FER: variants seen among roughly 807,000 people sequenced by gnomAD.
The protein encoded by FER is FER tyrosine kinase.
FER carries 63 observed loss-of-function variants against 111.0 expected under a neutral mutation model. The observed-to-expected ratio is 0.57, with a 90% CI of 0.46 to 0.70. The LOEUF (loss-of-function observed/expected upper bound fraction) is 0.70. FER is among the 30% of genes least tolerant of loss of function. The pLI, the probability that FER is intolerant of heterozygous loss-of-function variation, is 0.00. For synonymous variants in FER, 327 were observed against 313.9 expected, an observed-to-expected ratio of 1.04 and a Z score of -0.44; for missense variants, 914 against 954.0, an observed-to-expected ratio of 0.96 and a Z score of 0.55.
intron 2 of FER, among the ~76,000 whole-genome samples, chr5:108,795,958 T>G (rs1239188638): frequency 6.6e-6 from 1 of 152,168 alleles, no homozygotes; most frequent in African/African-American, 2.4e-5. Flanking sequence ...ATTCGAGAGT[T>G]AGGTATTTAT....
At chr5:108,906,815 C>G (rs1285676998) in intron 10 of FER, among the ~76,000 whole-genome samples, 1 of 152,044 alleles carries the variant, frequency 6.6e-6, no homozygotes, top group East Asian at 1.9e-4. Flanking sequence ...TTTTGATACT[C>G]ATAATACTTC....
chr5:108,824,493 T>C (rs1759233143), intron 3 of FER, among the ~76,000 whole-genome samples: 1 of 152,136 alleles, frequency 6.6e-6, no homozygotes, highest in Non-Finnish European at 1.5e-5. Context: ...CTTATAGTTT[T>C]CAGTGCAAAG....
rs1466348141 is a variant in FER at position 109,195,923 on chromosome 5, G to A, written c.*8348G>A. ...GTTGGTGGTGGTGCAAATTCTGCTG[G>A]CTTTATGTTATGGTTTTCTTCGTGT... On this transcript the variant is annotated 3_prime_UTR_variant, in exon 20 of 20. Transcript: ENST00000281092. 6.6e-6 allele frequency: 1 copy of A among 152,248 alleles called. No individual in the cohort carries two copies. Among genetic ancestry groups the A allele is most frequent in the African/African-American group, 2.4e-5 (1 of 41,440 alleles). The allele number at this position is 152,248 out of a possible 1,614,324, so 9.4% of individuals were successfully genotyped here.
At chr5:109,025,331 A>T (rs930493566) in intron 13 of FER, among the ~76,000 whole-genome samples, 6 of 152,058 alleles carry the variant, frequency 3.9e-5, no homozygotes, top group Non-Finnish European at 7.4e-5. Context: ...GAAGAGGTCC[A>T]TCACGTCCCT....
intron 10 of FER, among the ~76,000 whole-genome samples, chr5:108,914,604 A>G (rs906199434): frequency 6.6e-6 from 1 of 152,206 alleles, no homozygotes; most frequent in Admixed American, 6.5e-5. Context: ...ATCAGACATT[A>G]ATATGTACCT....
At chr5:108,948,233 C>T (rs917500745) in intron 11 of FER, among the ~76,000 whole-genome samples, 13 of 151,986 alleles carry the variant, frequency 8.6e-5, no homozygotes, top group African/African-American at 3.1e-4. Flanking sequence ...AAATGTAGAG[C>T]TCCCTTTAAA....
chr5:108,925,229 T>C (rs1753574192), intron 10 of FER, among the ~76,000 whole-genome samples: 2 of 151,996 alleles, frequency 1.3e-5, no homozygotes, highest in African/African-American at 4.8e-5. Flanking sequence ...CTATTCTGGC[T>C]GGTGAGCTCA....
intron 17 of FER, among the ~76,000 whole-genome samples, chr5:109,132,550 A>C (rs1381421874): frequency 6.6e-6 from 1 of 152,102 alleles, no homozygotes; most frequent in Non-Finnish European, 1.5e-5. Context: ...GGTCTGCTCT[A>C]CTTTGACTGT....
chr5:108,771,781 T>C (rs1255492844), intron 2 of FER, among the ~76,000 whole-genome samples: 2 of 152,208 alleles, frequency 1.3e-5, no homozygotes, highest in Non-Finnish European at 2.9e-5. Context: ...ATTAAAGACA[T>C]CATGATAACT....
At chr5:108,921,240 G>A (rs1235841423) in intron 10 of FER, among the ~76,000 whole-genome samples, 1 of 151,808 alleles carries the variant, frequency 6.6e-6, no homozygotes, top group Non-Finnish European at 1.5e-5. Flanking sequence ...CTATTTTGTT[G>A]GTTAGAATTT....
chr5:109,181,497 G>A (rs1452152708), intron 18 of FER, among the ~76,000 whole-genome samples: 2 of 151,850 alleles, frequency 1.3e-5, no homozygotes, highest in African/African-American at 4.8e-5. Flanking sequence ...ATTACAAGAT[G>A]GATGACAACT....
At chr5:108,930,379 C>CT (rs1754405417) in intron 10 of FER, among the ~76,000 whole-genome samples, 1 of 16,002 alleles carries the variant, frequency 6.2e-5, no homozygotes, top group African/African-American at 3.6e-4. Flanking sequence ...CCTTTCCCCT[C>CT]CCCTCCCCTT....
At chr5:108,975,416 A>AT (rs1761207835) in intron 13 of FER, among the ~76,000 whole-genome samples, 2 of 152,328 alleles carry the variant, frequency 1.3e-5, no homozygotes, top group South Asian at 4.1e-4. Flanking sequence ...TTAAAATAAA[A>AT]TAAAAATAAA....
intron 16 of FER, among the ~76,000 whole-genome samples, chr5:109,071,764 T>A (rs1466911247): frequency 6.6e-6 from 1 of 151,994 alleles, no homozygotes; most frequent in East Asian, 1.9e-4. Flanking sequence ...AGAAAACATA[T>A]AATTGACAAT....
chr5:109,074,027 A>G (rs1426393278), intron 16 of FER, among the ~76,000 whole-genome samples: 1 of 152,192 alleles, frequency 6.6e-6, no homozygotes, highest in Non-Finnish European at 1.5e-5. Context: ...TCAAAAATGT[A>G]TTTGAAACTT....
At chr5:108,773,327 T>C (rs984381344) in intron 2 of FER, among the ~76,000 whole-genome samples, 4 of 152,124 alleles carry the variant, frequency 2.6e-5, no homozygotes, top group Non-Finnish European at 5.9e-5. Context: ...CTATTCTTCC[T>C]GATGCTCTCC....
chr5:109,118,835 T>G lies in FER; in HGVS notation c.2048+18316T>G, dbSNP rs1181308191. 2.6e-5 allele frequency among the ~76,000 whole-genome samples: 4 copies of G among 152,168 alleles called. No individual in the cohort carries two copies. In the East Asian group the frequency reaches 7.7e-4, roughly 29 times the overall value. On this transcript the variant is annotated intron_variant, in intron 17 of 19. Coordinates refer to ENST00000281092, the MANE Select transcript of FER (RefSeq NM_005246.4). ...TCTCTGATGGTAGTTTGTATTTCTG[T>G]GGGATCAGTGGTGATATCCCCTTTA...
rs757347187 is a variant in FER, at chr5:108,883,370, G to A, written c.924-26G>A. The A allele has an allele frequency of 1.9e-6, 3 of 1,563,518 alleles. No individual in the cohort carries two copies. The East Asian group carries it at 6.9e-5, about 36-fold the overall frequency. On this transcript the variant is annotated intron_variant, in intron 8 of 19. Coordinates refer to ENST00000281092, the MANE Select transcript of FER (RefSeq NM_005246.4). Reference sequence around the variant, plus strand: ...TAAAGTGAAAATTAATTTGTTGGTTGTTATTGAGGATACTGTTTATTCTAG... The same window carrying A: ...TAAAGTGAAAATTAATTTGTTGGTTATTATTGAGGATACTGTTTATTCTAG...
At chr5:108,753,933 T>G (rs1750780643) in intron 1 of FER, among the ~76,000 whole-genome samples, 1 of 152,172 alleles carries the variant, frequency 6.6e-6, no homozygotes, top group Admixed American at 6.5e-5. Context: ...TCTTATATTT[T>G]TTCCCGTCCA....
Sources: gnomAD v4.1 joint callset for allele counts (sites outside exome capture counted in the v4.1 genomes callset) on GRCh38, gnomAD v4.1.1 for gene constraint, MANE v1.5 for transcripts, NCBI Gene and HGNC (gene_info 2026-07-23, HGNC 2026-07-21) for gene names.